The following NCOA2 variants were observed in gnomAD, a reference collection of about 807,000 sequenced individuals.
NCOA2 encodes class E basic helix-loop-helix protein 75.
Under a neutral mutation model 145.1 loss-of-function variants are expected in NCOA2, and 21 were observed. The ratio of observed to expected loss-of-function variants is 0.14; its 90% CI spans 0.10 to 0.21. NCOA2 has a LOEUF of 0.21. NCOA2 is among the 10% of genes least tolerant of loss of function. The pLI is 1.00. For missense variants in NCOA2, 1,472 were observed against 1,837.6 expected (o/e 0.80, Z 3.64); for synonymous variants, 619 against 637.5 (o/e 0.97, Z 0.44).
At chr8:70,305,091 G>A (rs550796381) in intron 1 of NCOA2, among the ~76,000 whole-genome samples, 20 of 137,482 alleles carry the variant, frequency 1.5e-4, no homozygotes, top group Admixed American at 2.3e-4. Context: ...TTGCTATGTC[G>A]CTCAGGCTGG....
intron 2 of NCOA2, among the ~76,000 whole-genome samples, chr8:70,246,203 G>C (rs187517487): frequency 6.6e-6 from 1 of 152,042 alleles, no homozygotes; most frequent in Non-Finnish European, 1.5e-5. Flanking sequence ...GTAACAAGTA[G>C]AAGCACCAGA....
intron 2 of NCOA2, among the ~76,000 whole-genome samples, chr8:70,217,746 T>A (rs1210240849): frequency 6.6e-6 from 1 of 152,096 alleles, no homozygotes; most frequent in Admixed American, 6.6e-5. Flanking sequence ...CAAAGAGACT[T>A]ACAAAGACTG....
intron 15 of NCOA2, among the ~76,000 whole-genome samples, chr8:70,133,473 C>T (rs571680906): frequency 2.4e-4 from 36 of 152,174 alleles, no homozygotes; most frequent in African/African-American, 8.4e-4. Context: ...AATCCTCCCA[C>T]CTTGGCCTCC....
the NCOA2 span, among the ~76,000 whole-genome samples, chr8:70,433,951 G>A: frequency 6.6e-6 from 1 of 151,922 alleles, no homozygotes; most frequent in South Asian, 2.1e-4. Flanking sequence ...GGAACTTCAG[G>A]GAAAAAAATA....
intron 1 of NCOA2, among the ~76,000 whole-genome samples, chr8:70,378,264 G>C (rs1009114553): frequency 2.6e-5 from 4 of 152,188 alleles, no homozygotes; most frequent in African/African-American, 9.6e-5. Context: ...GCAACATAGT[G>C]AGACCCCATC....
the NCOA2 span, among the ~76,000 whole-genome samples, chr8:70,422,347 G>A: frequency 6.6e-6 from 1 of 151,616 alleles, no homozygotes; most frequent in African/African-American, 2.4e-5. Context: ...GAAGTCTCGT[G>A]TTTTGCCTTA....
chr8:70,235,417 G>T (rs1821505445), intron 2 of NCOA2, among the ~76,000 whole-genome samples: 1 of 152,028 alleles, frequency 6.6e-6, no homozygotes, highest in Non-Finnish European at 1.5e-5. Context: ...ACTTAAAATA[G>T]TTACAATGGC....
chr8:70,240,523 T>C (rs1341662953), intron 2 of NCOA2, among the ~76,000 whole-genome samples: 2 of 152,158 alleles, frequency 1.3e-5, no homozygotes, highest in African/African-American at 4.8e-5. Flanking sequence ...TTTTGCATTT[T>C]TGTTCTTCTG....
chr8:70,451,451 T>A, the NCOA2 span, among the ~76,000 whole-genome samples: 5 of 149,132 alleles, frequency 3.4e-5, no homozygotes, highest in African/African-American at 1.2e-4. Flanking sequence ...AGAGCTAGAA[T>A]TTCTCTAAGT....
intron 2 of NCOA2, among the ~76,000 whole-genome samples, chr8:70,276,401 C>T (rs757564480): frequency 8.2e-4 from 125 of 152,224 alleles, no homozygotes; most frequent in Admixed American, 1.8e-3. Flanking sequence ...GCAGCAAAAA[C>T]TTCTGAATGC....
chr8:70,392,572 A>C (rs943382639), intron 1 of NCOA2, among the ~76,000 whole-genome samples: 1 of 152,184 alleles, frequency 6.6e-6, no homozygotes, highest in African/African-American at 2.4e-5. Context: ...ATCTATTAAG[A>C]CATCAGCCCT....
rs527914998 is a variant in NCOA2 at position 70,116,048 on chromosome 8, G to C, written c.4384-2405C>G. ...AAAAATACAAAAAAATTAGCCGGGC[G>C]TGGTGGAGGGTGCCTGTAGTCCCAG... is the stretch of plus-strand genomic sequence containing the variant. On this transcript the variant is annotated intron_variant, in intron 22 of 22. Coordinates refer to ENST00000452400, the MANE Select transcript of NCOA2 (RefSeq NM_006540.4). 7.9e-5 allele frequency among the ~76,000 whole-genome samples: 12 copies of C among 151,956 alleles called. 1 individual carries two copies.
intron 1 of NCOA2, among the ~76,000 whole-genome samples, chr8:70,326,369 C>T (rs1279536972): frequency 1.3e-5 from 2 of 151,908 alleles, no homozygotes; most frequent in South Asian, 2.1e-4. Context: ...AAAATAGTGA[C>T]AGCAATAAAA....
chr8:70,200,002 T>C (rs1437289458), intron 4 of NCOA2, among the ~76,000 whole-genome samples: 1 of 152,216 alleles, frequency 6.6e-6, no homozygotes, highest in African/African-American at 2.4e-5. Context: ...AACAAGCTTT[T>C]CTTTTTCCCC....
At chr8:70,200,627 A>G (rs750012783) in intron 4 of NCOA2, among the ~76,000 whole-genome samples, 3 of 152,192 alleles carry the variant, frequency 2.0e-5, no homozygotes, top group Non-Finnish European at 2.9e-5. Flanking sequence ...TACAACATGG[A>G]TAAAGCTTAA....
intron 4 of NCOA2, among the ~76,000 whole-genome samples, chr8:70,209,722 G>A (rs1247803812): frequency 2.0e-5 from 3 of 152,294 alleles, no homozygotes; most frequent in East Asian, 3.9e-4. Context: ...AAGTTAAAAT[G>A]TATTAATTTT....
At chr8:70,204,999 C>G (rs1292120497) in intron 4 of NCOA2, among the ~76,000 whole-genome samples, 1 of 152,058 alleles carries the variant, frequency 6.6e-6, no homozygotes, top group Non-Finnish European at 1.5e-5. Context: ...CAGAGCAAGA[C>G]CTTGTCTCAA....
the NCOA2 span, among the ~76,000 whole-genome samples, chr8:70,439,606 G>T: frequency 6.6e-6 from 1 of 152,242 alleles, no homozygotes; most frequent in African/African-American, 2.4e-5. Flanking sequence ...AGATAGAGAA[G>T]GAAGATCTAA....
intron 1 of NCOA2, among the ~76,000 whole-genome samples, chr8:70,400,060 A>C (rs1428280349): frequency 2.0e-5 from 3 of 152,228 alleles, no homozygotes; most frequent in Admixed American, 2.0e-4. Context: ...CCCTTTATCC[A>C]CAGCCCAAAT....
Sources: allele counts gnomAD v4.1 joint callset (sites outside exome capture counted in the v4.1 genomes callset), GRCh38; gene constraint gnomAD v4.1.1; transcripts MANE v1.5; gene names NCBI Gene and HGNC (gene_info 2026-07-23, HGNC 2026-07-21).